The following LRRC4C variants were observed in gnomAD, a reference collection of about 807,000 sequenced individuals.
LRRC4C encodes leucine rich repeat containing 4C.
LRRC4C carries 5 observed loss-of-function variants against 33.6 expected under a neutral mutation model. The observed-to-expected ratio is 0.15, with a 90% CI of 0.08 to 0.31. LRRC4C has a LOEUF of 0.31. LRRC4C is among the 10% of genes least tolerant of loss of function. LRRC4C has a pLI of 1.00. For missense variants in LRRC4C, 560 were observed against 796.7 expected (o/e 0.70, Z 3.58); for synonymous variants, 329 against 302.0 (o/e 1.09, Z -0.93).
intron 1 of LRRC4C, among the ~76,000 whole-genome samples, chr11:41,085,311 G>A (rs184970674): frequency 6.6e-6 from 1 of 152,172 alleles, no homozygotes; most frequent in African/African-American, 2.4e-5. Flanking sequence ...AAGCTAGGCT[G>A]CCCAACTGAA....
chr11:40,492,773 C>T (rs889315873), intron 3 of LRRC4C, among the ~76,000 whole-genome samples: 1 of 152,050 alleles, frequency 6.6e-6, no homozygotes, highest in Admixed American at 6.6e-5. Flanking sequence ...CTATGCCTCA[C>T]CTGCAAGAGT....
intron 1 of LRRC4C, among the ~76,000 whole-genome samples, chr11:40,983,448 G>A (rs1183522789): frequency 6.6e-6 from 1 of 152,144 alleles, no homozygotes; most frequent in Non-Finnish European, 1.5e-5. Context: ...TCAGGACACA[G>A]GCATGGGCAA....
chr11:41,358,090 G>A (rs1952224841), intron 1 of LRRC4C, among the ~76,000 whole-genome samples: 1 of 152,088 alleles, frequency 6.6e-6, no homozygotes, highest in Non-Finnish European at 1.5e-5. Flanking sequence ...GAGCTCAGAA[G>A]TATACCCACC....
At chr11:40,405,504 G>A (rs1949928695) in intron 3 of LRRC4C, among the ~76,000 whole-genome samples, 1 of 150,548 alleles carries the variant, frequency 6.6e-6, no homozygotes, top group Non-Finnish European at 1.5e-5. Flanking sequence ...GGTCATGGTA[G>A]TGGGCACCTG....
chr11:40,707,818 C>G (rs535839879), intron 2 of LRRC4C, among the ~76,000 whole-genome samples: 1 of 152,098 alleles, frequency 6.6e-6, no homozygotes, highest in African/African-American at 2.4e-5. Context: ...TGGTATAATT[C>G]GGCTGTGAAT....
At chr11:40,593,085 C>A (rs1959131228) in intron 3 of LRRC4C, among the ~76,000 whole-genome samples, 2 of 152,250 alleles carry the variant, frequency 1.3e-5, no homozygotes, top group African/African-American at 2.4e-5. Flanking sequence ...CCAAGCACAG[C>A]CTCTGCAGCT....
chr11:40,668,441 A>T (rs1486067749), intron 2 of LRRC4C, among the ~76,000 whole-genome samples: 1 of 152,204 alleles, frequency 6.6e-6, no homozygotes. Context: ...CAAATTTTAA[A>T]TTTTAAATGG....
intron 2 of LRRC4C, among the ~76,000 whole-genome samples, chr11:40,760,014 C>T (rs1174420833): frequency 6.6e-6 from 1 of 150,566 alleles, no homozygotes; most frequent in African/African-American, 2.4e-5. Flanking sequence ...CAATCCCTGG[C>T]ATTCATCTGA....
chr11:40,716,780 A>G (rs1180778223), intron 2 of LRRC4C, among the ~76,000 whole-genome samples: 1 of 152,112 alleles, frequency 6.6e-6, no homozygotes, highest in Non-Finnish European at 1.5e-5. Flanking sequence ...TTCTAAAGGG[A>G]ATGACCCCTC....
intron 1 of LRRC4C, among the ~76,000 whole-genome samples, chr11:41,403,766 G>T (rs1954113833): frequency 2.6e-5 from 4 of 151,974 alleles, no homozygotes; most frequent in Admixed American, 2.6e-4. Context: ...CCCCTCCTTT[G>T]GGAACAGTGT....
chr11:40,943,530 T>C (rs16935158), intron 1 of LRRC4C, among the ~76,000 whole-genome samples: 12,855 of 152,230 alleles, frequency 0.084, 741 homozygotes, highest in African/African-American at 0.15. Flanking sequence ...GAGTAAGGGA[T>C]CATTTAAACC....
chr11:41,339,521 G>A (rs1021418002), intron 1 of LRRC4C, among the ~76,000 whole-genome samples: 1 of 151,976 alleles, frequency 6.6e-6, no homozygotes, highest in Non-Finnish European at 1.5e-5. Flanking sequence ...CTAGAAACTA[G>A]CAGGAAAAAA....
At chr11:40,923,189 AG>A (rs1050802569) in intron 2 of LRRC4C, among the ~76,000 whole-genome samples, 2 of 152,210 alleles carry the variant, frequency 1.3e-5, no homozygotes, top group African/African-American at 4.8e-5. Context: ...CTTAAACAAA[AG>A]GTCATTGAAA....
chr11:41,008,319 T>C (rs1399786542), intron 1 of LRRC4C, among the ~76,000 whole-genome samples: 2 of 152,144 alleles, frequency 1.3e-5, no homozygotes, highest in Non-Finnish European at 2.9e-5. Flanking sequence ...ACTCTTTAAC[T>C]GGCCTACAAA....
intron 6 of LRRC4C, among the ~76,000 whole-genome samples, chr11:40,125,896 C>A (rs1263742224): frequency 6.6e-6 from 1 of 152,072 alleles, no homozygotes; most frequent in African/African-American, 2.4e-5. Context: ...CATTTATTTT[C>A]CCATTTTTAA....
At position 40,449,544 on chromosome 11, in the gene LRRC4C, G is replaced by A. The variant is rs529893196; in HGVS notation, c.-269-129823C>T. On this transcript the variant is annotated intron_variant, in intron 3 of 6. Transcript: ENST00000528697. ...TATTTTAAAGCTAGGGAAAACCGAGGCCCCCAAAGTTAAGGAAATTGTCCA... is the reference window on the plus strand; with the variant it reads ...TATTTTAAAGCTAGGGAAAACCGAGACCCCCAAAGTTAAGGAAATTGTCCA... 3.9e-5 allele frequency among the ~76,000 whole-genome samples: 6 copies of A among 152,130 alleles called. No homozygotes were observed. The East Asian group carries it at 9.7e-4, about 25-fold the overall frequency.
At chr11:41,030,207 A>G (rs2137806333) in intron 1 of LRRC4C, among the ~76,000 whole-genome samples, 1 of 152,062 alleles carries the variant, frequency 6.6e-6, no homozygotes, top group East Asian at 1.9e-4. Context: ...AAAAAGGCAG[A>G]GCTGTGCAGA....
At chr11:41,085,928 C>CAAAAAAAAAAAAAAAAAAA (rs10717008) in intron 1 of LRRC4C, among the ~76,000 whole-genome samples, 19 of 80,170 alleles carry the variant, frequency 2.4e-4, no homozygotes, top group East Asian at 4.3e-4. Context: ...TTTAAGACAC[C>CAAAAAAAAAAAAAAAAAAA]AAAAAAAAAA....
intron 1 of LRRC4C, among the ~76,000 whole-genome samples, chr11:40,969,697 C>T (rs1223673795): frequency 6.6e-6 from 1 of 152,088 alleles, no homozygotes; most frequent in Non-Finnish European, 1.5e-5. Context: ...GGTATATACA[C>T]TATTTATTAG....
Sources: allele counts gnomAD v4.1 joint callset (sites outside exome capture counted in the v4.1 genomes callset), GRCh38; gene constraint gnomAD v4.1.1; transcripts MANE v1.5; gene names NCBI Gene and HGNC (gene_info 2026-07-23, HGNC 2026-07-21).